FOXP2: variants seen among roughly 807,000 people sequenced by gnomAD.
The protein encoded by FOXP2 is forkhead box protein P2.
FOXP2 carries 12 observed loss-of-function variants against 115.8 expected under a neutral mutation model. The ratio of observed to expected loss-of-function variants is 0.10; its 90% CI spans 0.07 to 0.17. The LOEUF is 0.17. Among genes scored for constraint, FOXP2 ranks in the 10% least tolerant of loss-of-function variants. The pLI is 1.00. For missense variants in FOXP2, 629 were observed against 843.5 expected (o/e 0.75, Z 3.15); for synonymous variants, 328 against 297.7 (o/e 1.10, Z -1.05).
chr7:114,188,110 C>T (rs1289107624), intron 1 of FOXP2, among the ~76,000 whole-genome samples: 1 of 152,198 alleles, frequency 6.6e-6, no homozygotes, highest in Admixed American at 6.5e-5. Context: ...CCCAAAACAT[C>T]TAAGAATCCC....
intron 2 of FOXP2, among the ~76,000 whole-genome samples, chr7:114,493,788 C>T (rs1797182213): frequency 6.6e-6 from 1 of 151,352 alleles, no homozygotes; most frequent in Non-Finnish European, 1.5e-5. Context: ...TGCCCTTCTA[C>T]GTTGTGGATG....
At chr7:114,630,813 A>G (rs1804860815) in intron 5 of FOXP2, among the ~76,000 whole-genome samples, 1 of 152,106 alleles carries the variant, frequency 6.6e-6, no homozygotes, top group Non-Finnish European at 1.5e-5. Flanking sequence ...TCTGTTTTCC[A>G]GTGAGCGCAT....
intron 1 of FOXP2, among the ~76,000 whole-genome samples, chr7:114,183,366 A>G (rs1251103501): frequency 6.6e-6 from 1 of 152,172 alleles, no homozygotes; most frequent in Non-Finnish European, 1.5e-5. Context: ...TCAGTTAAAC[A>G]GAGAAATATA....
chr7:114,684,168 AC>A (rs1307247987), intron 16 of FOXP2, among the ~76,000 whole-genome samples: 4 of 152,280 alleles, frequency 2.6e-5, no homozygotes, highest in African/African-American at 9.6e-5. Context: ...TCTAAATAAT[AC>A]ATCCTATTTG....
chr7:114,243,609 A>G (rs762887605), intron 1 of FOXP2, among the ~76,000 whole-genome samples: 17 of 152,104 alleles, frequency 1.1e-4, no homozygotes, highest in Non-Finnish European at 2.2e-4. Context: ...TGATTTTTAA[A>G]TTGTTTATCC....
chr7:114,164,169 C>G (rs1321793472), intron 1 of FOXP2, among the ~76,000 whole-genome samples: 5 of 152,058 alleles, frequency 3.3e-5, no homozygotes, highest in African/African-American at 4.8e-5. Flanking sequence ...GATAGAGCCA[C>G]CTAAACACTG....
intron 2 of FOXP2, among the ~76,000 whole-genome samples, chr7:114,493,444 C>G (rs1797162521): frequency 6.6e-6 from 1 of 152,004 alleles, no homozygotes; most frequent in Non-Finnish European, 1.5e-5. Context: ...AATATGGGTT[C>G]AGAATTTATA....
intron 2 of FOXP2, among the ~76,000 whole-genome samples, chr7:114,308,252 TG>T (rs1017308310): frequency 2.0e-5 from 3 of 152,016 alleles, no homozygotes; most frequent in African/African-American, 4.8e-5. Flanking sequence ...CATAGGCCAC[TG>T]GGGGGGACTC....
At chr7:114,224,271 G>T (rs1325786972) in intron 1 of FOXP2, among the ~76,000 whole-genome samples, 2 of 151,922 alleles carry the variant, frequency 1.3e-5, no homozygotes, top group Admixed American at 6.6e-5. Context: ...TTTTTTATAT[G>T]AATTTTACAA....
At chr7:114,413,850 C>G (rs946740322), upstream of FOXP2, among the ~76,000 whole-genome samples, 4 of 152,032 alleles carry the variant, frequency 2.6e-5, no homozygotes, top group African/African-American at 9.7e-5. Flanking sequence ...GGTTAAAGAT[C>G]TCTTCGAAGT....
At chr7:114,305,494 T>C (rs576807930) in intron 2 of FOXP2, among the ~76,000 whole-genome samples, 1 of 152,276 alleles carries the variant, frequency 6.6e-6, no homozygotes, top group East Asian at 1.9e-4. Context: ...TTGAATAAAT[T>C]CTGCTTTTGA....
chr7:114,191,800 T>C (rs981185225), intron 1 of FOXP2, among the ~76,000 whole-genome samples: 16 of 152,214 alleles, frequency 1.1e-4, no homozygotes, highest in African/African-American at 3.4e-4. Context: ...ATCACATTAG[T>C]GTTCATTTTT....
chr7:114,422,848 C>T (rs899034823), intron 1 of FOXP2, among the ~76,000 whole-genome samples: 2 of 151,620 alleles, frequency 1.3e-5, no homozygotes, highest in Admixed American at 6.6e-5. Context: ...TATAACTCTA[C>T]GAGGAAGAAA....
At chr7:114,169,208 T>C (rs1181637870) in intron 1 of FOXP2, among the ~76,000 whole-genome samples, 1 of 152,052 alleles carries the variant, frequency 6.6e-6, no homozygotes, top group Non-Finnish European at 1.5e-5. Flanking sequence ...GAACAGTAGA[T>C]CCACGGACAG....
At chr7:114,435,068 C>A (rs1267083525) in intron 2 of FOXP2, among the ~76,000 whole-genome samples, 3 of 152,114 alleles carry the variant, frequency 2.0e-5, no homozygotes, top group Non-Finnish European at 4.4e-5. Context: ...GCCTTAACTT[C>A]AATTGTGAAT....
At chr7:114,439,968 C>A (rs187623944) in intron 2 of FOXP2, among the ~76,000 whole-genome samples, 1 of 152,216 alleles carries the variant, frequency 6.6e-6, no homozygotes, top group Admixed American at 6.5e-5. Context: ...ATAATAGATC[C>A]TCTCACCTCC....
intron 2 of FOXP2, among the ~76,000 whole-genome samples, chr7:114,327,823 C>T (rs62469214): frequency 1.0e-5 from 1 of 97,290 alleles, no homozygotes; most frequent in African/African-American, 3.0e-5. Flanking sequence ...TTTGTTTTGT[C>T]TTGTCTTTTT....
intron 3 of FOXP2, among the ~76,000 whole-genome samples, chr7:114,608,601 G>A (rs1803459313): frequency 1.3e-5 from 2 of 152,210 alleles, no homozygotes; most frequent in African/African-American, 4.8e-5. Context: ...ACAAGTCACA[G>A]GTTCTACTTA....
At chr7:114,370,693 T>C (rs866583179) in intron 2 of FOXP2, among the ~76,000 whole-genome samples, 13 of 152,232 alleles carry the variant, frequency 8.5e-5, no homozygotes, top group Admixed American at 5.2e-4. Flanking sequence ...TTTGGATTTG[T>C]GTTAGATTAT....
Sources: allele counts gnomAD v4.1 joint callset (sites outside exome capture counted in the v4.1 genomes callset), GRCh38; gene constraint gnomAD v4.1.1; transcripts MANE v1.5; gene names NCBI Gene and HGNC (gene_info 2026-07-23, HGNC 2026-07-21).